Variants in ZNF529 observed in about 807,000 individuals in gnomAD.
ZNF529 encodes zinc finger protein 529.
In ZNF529, 11 loss-of-function variants were observed where a neutral mutation model predicts 10.1. The ratio of observed to expected loss-of-function variants is 1.09; its 90% CI spans 0.69 to 1.81. The LOEUF is 1.81. Among genes scored for constraint, ZNF529 ranks in the 40% most tolerant of loss-of-function variants. ZNF529 has a pLI of 0.00. For missense variants in ZNF529, 624 were observed against 666.8 expected (o/e 0.94, Z 0.71); for synonymous variants, 204 against 215.7 (o/e 0.95, Z 0.47).
At chr19:36,555,018 CT>C (rs756245573) in intron 3 of ZNF529, among the ~76,000 whole-genome samples, 62 of 152,270 alleles carry the variant, frequency 4.1e-4, no homozygotes, top group Non-Finnish European at 7.4e-4. Context: ...TATGGGATCT[CT>C]TATTTAGCCA....
At chr19:36,566,562 A>C (rs1368072235) in intron 2 of ZNF529, among the ~76,000 whole-genome samples, 1 of 120,258 alleles carries the variant, frequency 8.3e-6, no homozygotes, top group East Asian at 2.8e-4. Context: ...GGTGGTGCTC[A>C]CCTGTGGTCC....
intron 1 of ZNF529, among the ~76,000 whole-genome samples, chr19:36,597,085 T>C (rs1203045664): frequency 6.6e-6 from 1 of 152,160 alleles, no homozygotes; most frequent in Non-Finnish European, 1.5e-5. Context: ...TTGCCCAGGC[T>C]GGTCTCAAAC....
intron 1 of ZNF529, among the ~76,000 whole-genome samples, chr19:36,600,218 C>T (rs1330884854): frequency 1.3e-5 from 2 of 152,156 alleles, no homozygotes; most frequent in Non-Finnish European, 2.9e-5. Flanking sequence ...TGAGACATTT[C>T]CAATATTAAG....
At position 36,547,726 on chromosome 19, in the gene ZNF529, C is replaced by T. The variant is rs1484969792; in HGVS notation, c.832G>A (p.Gly278Ser). ...KVTPLQRVHDGEKHFECSFCG... is the reference protein window; with the variant it reads ...KVTPLQRVHDSEKHFECSFCG... ...AATGAGCATTCAAAGTGTTTCTCAC[C>T]ATCATGAACTCTTTGAAGTGGAGTA... Residue 278 changes from glycine (G) to serine (S), a missense_variant, in exon 5 of 5, where the codon GGT (glycine) becomes AGT (serine). Physicochemically the swap from Gly to Ser is moderately conservative, Grantham distance 56. Coordinates refer to ENST00000591340, the MANE Select transcript of ZNF529 (RefSeq NM_020951.5). 1 of 1,613,838 alleles carries T rather than the reference C, an allele frequency of 6.2e-7. No homozygotes were observed. The highest frequency in any genetic ancestry group is 2.2e-5 in the East Asian group (1 of 44,848).
chr19:36,593,646 G>A (rs983779265), intron 1 of ZNF529, among the ~76,000 whole-genome samples: 2 of 152,100 alleles, frequency 1.3e-5, no homozygotes, highest in Admixed American at 1.3e-4. Context: ...GGAGAATCTT[G>A]GGCTGTTTGG....
chr19:36,569,130 G>GT (rs1162496687), intron 2 of ZNF529, among the ~76,000 whole-genome samples: 1 of 152,248 alleles, frequency 6.6e-6, no homozygotes, highest in South Asian at 2.1e-4. Context: ...CAGGAAAAAC[G>GT]TAAGACCTTA....
At chr19:36,603,971 G>A (rs571439088) in intron 1 of ZNF529, among the ~76,000 whole-genome samples, 1 of 152,276 alleles carries the variant, frequency 6.6e-6, no homozygotes, top group South Asian at 2.1e-4. Context: ...CCTGAGGTCA[G>A]GAGTTCGAGA....
At chr19:36,574,099 C>T (rs749245301), upstream of ZNF529, among the ~76,000 whole-genome samples, 1 of 152,162 alleles carries the variant, frequency 6.6e-6, no homozygotes. Context: ...GACCAATGGC[C>T]GGTGGCCCAG....
In ZNF529 at chr19:36,555,338, C is replaced by T. The variant is rs1230099600; in HGVS notation, c.109-542G>A. Among the ~76,000 whole-genome samples, 2 of 25,348 alleles carry T rather than the reference C, an allele frequency of 7.9e-5. 1 individual carries two copies. Among genetic ancestry groups the T allele is most frequent in the Non-Finnish European group, 1.5e-4 (2 of 13,140 alleles). 16.6% of individuals were successfully genotyped at this position (25,348 alleles called of 152,430 possible). ...GTCTCGCTCTGTCGCCCAGGCCGGA[C>T]TGCGGACTGCAGTGGCGCAATCTCG... is the stretch of plus-strand genomic sequence containing the variant. On this transcript the variant is annotated intron_variant, in intron 3 of 4. Transcript: ENST00000591340.
intron 2 of ZNF529, chr19:36,582,213 G>A (rs2036478966): frequency 6.6e-6 from 1 of 152,080 alleles, no homozygotes; most frequent in South Asian, 2.1e-4. Context: ...ACATTTACAG[G>A]ATGAAAAAGT....
intron 2 of ZNF529, among the ~76,000 whole-genome samples, chr19:36,568,694 A>T (rs1005093254): frequency 2.0e-5 from 3 of 151,980 alleles, no homozygotes; most frequent in African/African-American, 7.3e-5. Context: ...CTGGTCTCGA[A>T]GTCCTAACCT....
intron 2 of ZNF529, among the ~76,000 whole-genome samples, chr19:36,571,199 C>A (rs758076824): frequency 6.6e-6 from 1 of 151,996 alleles, no homozygotes; most frequent in African/African-American, 2.4e-5. Flanking sequence ...AATTTAGCAT[C>A]CAAATTGAGA....
At chr19:36,552,713 A>C (rs2035309898) in intron 4 of ZNF529, among the ~76,000 whole-genome samples, 1 of 152,164 alleles carries the variant, frequency 6.6e-6, no homozygotes, top group African/African-American at 2.4e-5. Context: ...GAAATGTAAC[A>C]ATGTTTTTTT....
intron 2 of ZNF529, among the ~76,000 whole-genome samples, chr19:36,563,938 T>C (rs2035805722): frequency 6.6e-6 from 1 of 152,098 alleles, no homozygotes; most frequent in Admixed American, 6.6e-5. Context: ...ACCAATGGAA[T>C]AGAATAGAGG....
chr19:36,545,095 C>T lies in ZNF529; in HGVS notation c.*1771G>A, dbSNP rs1455654111. ...ATTAGCTGGGCATGGTGGCGCATGCCTGTAATCCCAGCTACTTGGCAGGCT... is the reference window on the plus strand; with the variant it reads ...ATTAGCTGGGCATGGTGGCGCATGCTTGTAATCCCAGCTACTTGGCAGGCT... On this transcript the variant is annotated 3_prime_UTR_variant, in exon 5 of 5. Coordinates refer to ENST00000591340, the MANE Select transcript of ZNF529 (RefSeq NM_020951.5). The T allele has an allele frequency of 6.6e-6, 1 of 152,564 alleles. No individual in the cohort carries two copies. Among genetic ancestry groups the T allele is most frequent in the Non-Finnish European group, 1.5e-5 (1 of 68,348 alleles). The allele number at this position is 152,564 out of a possible 1,614,324, so 9.5% of individuals were successfully genotyped here. A position where few individuals can be genotyped will look rare whatever the true frequency, so the allele number is the denominator to read the frequency against.
At position 36,546,708 on chromosome 19, in the gene ZNF529, A is replaced by T. The variant is rs1230620333; in HGVS notation, c.*158T>A. On this transcript the variant is annotated 3_prime_UTR_variant, in exon 5 of 5. Coordinates refer to ENST00000591340, the MANE Select transcript of ZNF529 (RefSeq NM_020951.5). ...ACAAAGCTATAAGTATATATCAGCT[A>T]TGACTAAGCAATTCTACGTCTACAT... 7 of 752,788 alleles carry T rather than the reference A, an allele frequency of 9.3e-6. No homozygotes were observed. The highest frequency in any genetic ancestry group is 1.5e-5 in the Non-Finnish European group (7 of 480,132). 46.6% of individuals were successfully genotyped at this position (752,788 alleles called of 1,614,324 possible).
chr19:36,595,509 A>C (rs1249178429), intron 1 of ZNF529, among the ~76,000 whole-genome samples: 1 of 152,136 alleles, frequency 6.6e-6, no homozygotes, highest in Non-Finnish European at 1.5e-5. Flanking sequence ...CAGCCTAGAC[A>C]ACATAGCAAG....
upstream of ZNF529, among the ~76,000 whole-genome samples, chr19:36,575,396 C>T (rs2145221341): frequency 6.6e-6 from 1 of 152,256 alleles, no homozygotes; most frequent in Non-Finnish European, 1.5e-5. Context: ...CCATATGTAG[C>T]ACAGAAGTAA....
chr19:36,597,264 A>C (rs2036855744), intron 1 of ZNF529, among the ~76,000 whole-genome samples: 1 of 152,218 alleles, frequency 6.6e-6, no homozygotes. Flanking sequence ...AGGTAAGTTC[A>C]TCAACATTTA....
Sources: allele counts gnomAD v4.1 joint callset (sites outside exome capture counted in the v4.1 genomes callset), GRCh38; gene constraint gnomAD v4.1.1; transcripts MANE v1.5; gene names NCBI Gene and HGNC (gene_info 2026-07-23, HGNC 2026-07-21).